OR9Q1: variants seen among roughly 807,000 people sequenced by gnomAD.
The protein encoded by OR9Q1 is olfactory receptor family 9 subfamily Q member 1.
For synonymous variants in OR9Q1, 153 were observed against 148.6 expected (o/e 1.03, Z -0.22); for missense variants, 374 against 378.8 (o/e 0.99, Z 0.11).
At chr11:58,151,134 G>A (rs749011461) in intron 2 of OR9Q1, among the ~76,000 whole-genome samples, 1 of 152,058 alleles carries the variant, frequency 6.6e-6, no homozygotes, top group Non-Finnish European at 1.5e-5. Context: ...CTTTTGCGTG[G>A]GTTATCCAGT....
intron 1 of OR9Q1, chr11:58,031,227 G>C: frequency 6.2e-7 from 1 of 1,614,182 alleles, no homozygotes; most frequent in African/African-American, 1.3e-5. Context: ...GGGGTGGATG[G>C]TGGCAAGAAT....
chr11:58,053,633 T>TATATATATAAA (rs1190547586), intron 1 of OR9Q1, among the ~76,000 whole-genome samples: 3 of 32,114 alleles, frequency 9.3e-5, no homozygotes, highest in African/African-American at 5.4e-4. Context: ...ATATAAAATA[T>TATATATATAAA]ATATATATAT....
intron 1 of OR9Q1, chr11:58,032,013 C>A: frequency 3.1e-6 from 2 of 638,328 alleles, no homozygotes; most frequent in Non-Finnish European, 2.7e-6. Context: ...TTTATAACAG[C>A]CACAAAAAAT....
At chr11:58,092,349 A>C (rs1204845297) in intron 2 of OR9Q1, among the ~76,000 whole-genome samples, 4 of 151,668 alleles carry the variant, frequency 2.6e-5, no homozygotes, top group Non-Finnish European at 1.5e-5. Flanking sequence ...TTTTACACTG[A>C]ACTGTAAAAA....
At chr11:58,070,324 A>T (rs1299537891) in intron 2 of OR9Q1, among the ~76,000 whole-genome samples, 2 of 151,690 alleles carry the variant, frequency 1.3e-5, no homozygotes, top group Non-Finnish European at 2.9e-5. Flanking sequence ...CTCCAGTATC[A>T]CTCTTAAAAC....
At chr11:58,120,186 T>C (rs149753955) in intron 2 of OR9Q1, among the ~76,000 whole-genome samples, 2 of 152,334 alleles carry the variant, frequency 1.3e-5, no homozygotes, top group Non-Finnish European at 2.9e-5. Flanking sequence ...TAGTTACTTA[T>C]ACATCATGAT....
intron 2 of OR9Q1, among the ~76,000 whole-genome samples, chr11:58,153,508 C>T (rs1211489755): frequency 2.0e-5 from 3 of 150,836 alleles, no homozygotes; most frequent in Non-Finnish European, 4.4e-5. Context: ...TCTATAGGAG[C>T]AATGACCTCT....
chr11:58,179,917 T>C lies in OR9Q1; in HGVS notation c.473T>C (p.Val158Ala). 6.2e-7 allele frequency: 1 copy of C among 1,614,190 alleles called. No homozygotes were observed. Among genetic ancestry groups the C allele is most frequent in the African/African-American group, 1.3e-5 (1 of 75,066 alleles). The change falls in exon 3 of 3, where the codon GTG (valine) becomes GCG (alanine). Residue 158 changes from valine (V) to alanine (A), a missense_variant. Coordinates refer to ENST00000335397, the MANE Select transcript of OR9Q1 (RefSeq NM_001005212.4). The stretch of plus-strand genomic sequence containing the variant: ...GTTGCTGGTCTCATCAGTGCCTTGG[T>C]GCGGACAGTCTCAGCCTTCACTCTC... ...AYVAGLISALVRTVSAFTLSF... is the reference protein window; with the variant it reads ...AYVAGLISALARTVSAFTLSF...
intron 2 of OR9Q1, among the ~76,000 whole-genome samples, chr11:58,061,903 A>G (rs966503219): frequency 6.6e-6 from 1 of 152,238 alleles, no homozygotes; most frequent in Non-Finnish European, 1.5e-5. Flanking sequence ...GATCTGAACA[A>G]CAGCTACATG....
chr11:58,080,609 C>T (rs186768892), intron 2 of OR9Q1, among the ~76,000 whole-genome samples: 7 of 152,256 alleles, frequency 4.6e-5, no homozygotes, highest in South Asian at 2.1e-4. Context: ...TTTCCACCAA[C>T]GCATATAAGC....
chr11:58,180,426 A>G lies in OR9Q1; in HGVS notation c.*49A>G. On this transcript the variant is annotated 3_prime_UTR_variant, in exon 3 of 3. Coordinates refer to ENST00000335397, the MANE Select transcript of OR9Q1 (RefSeq NM_001005212.4). Reference sequence around the variant, plus strand: ...CGAGAACCACCTACTCTGTAGTGTCAGAATTCTGGACGCTCATTATTTATA... The same window carrying G: ...CGAGAACCACCTACTCTGTAGTGTCGGAATTCTGGACGCTCATTATTTATA... 8.6e-7 allele frequency: 1 copy of G among 1,161,122 alleles called. No homozygotes were observed. 71.9% of individuals were successfully genotyped at this position (1,161,122 alleles called of 1,614,324 possible). A position where few individuals can be genotyped will look rare whatever the true frequency, so the allele number is the denominator to read the frequency against.
At chr11:58,096,045 CA>C (rs1853727973) in intron 2 of OR9Q1, among the ~76,000 whole-genome samples, 1 of 151,834 alleles carries the variant, frequency 6.6e-6, no homozygotes, top group Admixed American at 6.6e-5. Context: ...GCCTGGACAA[CA>C]TATGTATTTA....
At chr11:58,147,610 T>C (rs1045770139) in intron 2 of OR9Q1, among the ~76,000 whole-genome samples, 2 of 152,180 alleles carry the variant, frequency 1.3e-5, no homozygotes, top group African/African-American at 4.8e-5. Flanking sequence ...CTTTGATACA[T>C]CCCCAGTATT....
At chr11:58,095,696 A>G (rs566982842) in intron 2 of OR9Q1, among the ~76,000 whole-genome samples, 31 of 152,256 alleles carry the variant, frequency 2.0e-4, no homozygotes, top group African/African-American at 7.2e-4. Flanking sequence ...CACCACCATG[A>G]TTCAATGATC....
intron 2 of OR9Q1, among the ~76,000 whole-genome samples, chr11:58,058,045 T>G (rs749224458): frequency 1.2e-4 from 19 of 152,188 alleles, no homozygotes; most frequent in Non-Finnish European, 1.3e-4. Flanking sequence ...GCTCCTTTCA[T>G]TAGGCCACAC....
intron 2 of OR9Q1, among the ~76,000 whole-genome samples, chr11:58,079,282 C>T (rs1349571087): frequency 2.6e-5 from 4 of 151,512 alleles, no homozygotes; most frequent in African/African-American, 9.7e-5. Context: ...TCATTTCTCT[C>T]AATTTTAGGG....
intron 2 of OR9Q1, among the ~76,000 whole-genome samples, chr11:58,075,811 C>T (rs1466799963): frequency 1.3e-5 from 2 of 152,208 alleles, no homozygotes. Flanking sequence ...CAGGTAATTG[C>T]ATCCAATGAT....
chr11:58,136,390 A>C (rs2443441), intron 2 of OR9Q1, among the ~76,000 whole-genome samples: 65,541 of 151,970 alleles, frequency 0.43, 15,011 homozygotes, highest in African/African-American at 0.57. Flanking sequence ...TAGGTTTTCA[A>C]AACAGGAAAC....
chr11:58,044,432 G>A (rs1241242701), intron 1 of OR9Q1: 1 of 152,090 alleles, frequency 6.6e-6, no homozygotes, highest in African/African-American at 2.4e-5. Flanking sequence ...GCAGACAGAG[G>A]AAGGGACCTA....
Sources: allele counts gnomAD v4.1 joint callset (sites outside exome capture counted in the v4.1 genomes callset), GRCh38; gene constraint gnomAD v4.1.1; transcripts MANE v1.5; gene names NCBI Gene and HGNC (gene_info 2026-07-23, HGNC 2026-07-21).